CNTNAP5: variants seen among roughly 807,000 people sequenced by gnomAD.
CNTNAP5 encodes contactin-associated protein-like 5.
CNTNAP5 carries 72 observed loss-of-function variants against 150.2 expected under a neutral mutation model. That is an observed-to-expected ratio of 0.48 (90% CI 0.40 to 0.58). CNTNAP5 has a LOEUF of 0.58. Ranked by LOEUF, CNTNAP5 falls within the 20% of genes least tolerant of loss-of-function variation. The probability of loss-of-function intolerance (pLI) is 0.00; values close to 1 mark genes in which losing one functional copy is unlikely to be tolerated. For synonymous variants in CNTNAP5, 672 were observed against 619.8 expected, an observed-to-expected ratio of 1.08 and a Z score of -1.25; for missense variants, 1,636 against 1,626.2, an observed-to-expected ratio of 1.01 and a Z score of -0.10.
At chr2:124,297,298 G>A (rs966576000) in intron 3 of CNTNAP5, among the ~76,000 whole-genome samples, 3 of 152,252 alleles carry the variant, frequency 2.0e-5, no homozygotes, top group East Asian at 1.9e-4. Flanking sequence ...AGTTCTTTCG[G>A]AAGTTTTGAC....
intron 6 of CNTNAP5, among the ~76,000 whole-genome samples, chr2:124,459,691 G>C (rs1196118451): frequency 2.0e-5 from 3 of 151,198 alleles, no homozygotes; most frequent in African/African-American, 7.3e-5. Context: ...CTGGGAGTTG[G>C]AGGTTGTAGT....
At chr2:124,341,558 A>G (rs978462915) in intron 3 of CNTNAP5, among the ~76,000 whole-genome samples, 3 of 152,156 alleles carry the variant, frequency 2.0e-5, no homozygotes. Context: ...CAATTAAACA[A>G]TTGTGTCTTA....
intron 5 of CNTNAP5, among the ~76,000 whole-genome samples, chr2:124,438,042 G>A (rs771914523): frequency 3.9e-5 from 6 of 152,146 alleles, no homozygotes; most frequent in African/African-American, 1.4e-4. Flanking sequence ...GACATACATA[G>A]TGTACTGTTG....
chr2:124,223,234 C>T lies in CNTNAP5; in HGVS notation c.187+1425C>T, dbSNP rs186075081. On this transcript the variant is annotated intron_variant, in intron 2 of 23. Coordinates refer to ENST00000682447, the MANE Select transcript of CNTNAP5 (RefSeq NM_001367498.1). ...TTCGTGTTTATATTCATCCCGTTAACAAATCGCTTCACTAGTACAGATTGA... is the reference window on the plus strand; with the variant it reads ...TTCGTGTTTATATTCATCCCGTTAATAAATCGCTTCACTAGTACAGATTGA... 4.8e-4 allele frequency among the ~76,000 whole-genome samples: 73 copies of T among 152,156 alleles called. No individual in the cohort carries two copies. In the East Asian group the frequency reaches 0.014, roughly 29 times the overall value.
Position 124,647,958 on chromosome 2 carries a change from G to T in CNTNAP5, c.2077G>T (p.Asp693Tyr). ...GAGGTCCCGCCTGCTCAACACGCCG[G>T]GTAAGGCCTCTGCATGCATGACCAC... ...CRRSRLLNTP[D>Y]GTPFTWWIGR... Residue 693 changes from aspartate (D) to tyrosine (Y), a missense_variant and splice_region_variant, in exon 13 of 24, where the codon GAT becomes TAT. Transcript: ENST00000682447. 1 of 1,592,946 alleles carries T rather than the reference G, an allele frequency of 6.3e-7. No homozygotes were observed. Among genetic ancestry groups the T allele is most frequent in the East Asian group, 2.3e-5 (1 of 43,934 alleles).
chr2:124,794,812 C>A (rs1268987864), intron 18 of CNTNAP5, among the ~76,000 whole-genome samples: 1 of 152,086 alleles, frequency 6.6e-6, no homozygotes, highest in Non-Finnish European at 1.5e-5. Flanking sequence ...AAGAAAATCT[C>A]AGATATAATA....
chr2:124,416,386 G>A (rs113164486), intron 3 of CNTNAP5, among the ~76,000 whole-genome samples: 6,223 of 149,028 alleles, frequency 0.042, 166 homozygotes, highest in Non-Finnish European at 0.053. Flanking sequence ...TGAGTAGTTC[G>A]TTGTCATTCT....
At chr2:124,090,786 T>C (rs1165838797) in intron 1 of CNTNAP5, among the ~76,000 whole-genome samples, 1 of 152,214 alleles carries the variant, frequency 6.6e-6, no homozygotes, top group Non-Finnish European at 1.5e-5. Context: ...ACCATTATTA[T>C]CAGCCATAAT....
chr2:124,608,132 A>C (rs548882894), intron 11 of CNTNAP5, among the ~76,000 whole-genome samples: 3 of 152,292 alleles, frequency 2.0e-5, no homozygotes, highest in Admixed American at 2.0e-4. Context: ...CTGGGATGGG[A>C]CATTAGTCAC....
intron 1 of CNTNAP5, among the ~76,000 whole-genome samples, chr2:124,180,381 G>T (rs1350292043): frequency 6.6e-6 from 1 of 152,220 alleles, no homozygotes; most frequent in African/African-American, 2.4e-5. Context: ...ATCATCATCA[G>T]AAATATCAAA....
intron 7 of CNTNAP5, among the ~76,000 whole-genome samples, chr2:124,494,725 C>T (rs541567667): frequency 6.6e-6 from 1 of 152,272 alleles, no homozygotes; most frequent in Admixed American, 6.5e-5. Flanking sequence ...AAGTAGAAAT[C>T]ATTTGAAAAG....
chr2:124,747,410 C>A (rs1468987914), intron 14 of CNTNAP5, 25 bp downstream of exon 14: 4 of 1,612,438 alleles, frequency 2.5e-6, no homozygotes, highest in Non-Finnish European at 3.4e-6. Flanking sequence ...CATCTTTCTG[C>A]AATTGTAGAG....
At chr2:124,682,166 G>T (rs1221330505) in intron 13 of CNTNAP5, among the ~76,000 whole-genome samples, 1 of 152,142 alleles carries the variant, frequency 6.6e-6, no homozygotes, top group Non-Finnish European at 1.5e-5. Context: ...GCACATGAAT[G>T]CAACCTTGAA....
At chr2:124,330,160 G>A (rs1027612326) in intron 3 of CNTNAP5, among the ~76,000 whole-genome samples, 3 of 152,006 alleles carry the variant, frequency 2.0e-5, no homozygotes, top group African/African-American at 7.2e-5. Context: ...CTTTATTCAA[G>A]GTATGAGGCC....
At position 124,835,930 on chromosome 2, in the gene CNTNAP5, C is replaced by T. The variant is rs886459176; in HGVS notation, c.3218-29376C>T. Among the ~76,000 whole-genome samples the T allele has an allele frequency of 2.0e-4, 31 of 152,144 alleles. 1 individual carries two copies. Among genetic ancestry groups the T allele is most frequent in the Admixed American group, 1.9e-3 (29 of 15,268 alleles). The stretch of plus-strand genomic sequence containing the variant: ...CACATACTGTTATCAACAAGAAGGG[C>T]ACCAATACCCTGGCAAACATATTGC... On this transcript the variant is annotated intron_variant, in intron 19 of 23. Transcript: ENST00000682447.
At chr2:124,107,957 CA>C (rs1416103373) in intron 1 of CNTNAP5, among the ~76,000 whole-genome samples, 1 of 152,162 alleles carries the variant, frequency 6.6e-6, no homozygotes, top group Non-Finnish European at 1.5e-5. Flanking sequence ...AGATAAAAGA[CA>C]AAAGGTTGCA....
intron 1 of CNTNAP5, among the ~76,000 whole-genome samples, chr2:124,120,252 A>T (rs937019833): frequency 6.6e-6 from 1 of 152,142 alleles, no homozygotes; most frequent in Non-Finnish European, 1.5e-5. Context: ...TCCTCCCATC[A>T]CCTCCCAGAG....
chr2:124,112,672 A>G (rs892440903), intron 1 of CNTNAP5, among the ~76,000 whole-genome samples: 2 of 152,156 alleles, frequency 1.3e-5, no homozygotes, highest in African/African-American at 4.8e-5. Context: ...GTTGAGAATG[A>G]AAACATCACA....
At chr2:124,124,969 G>C (rs981140395) in intron 1 of CNTNAP5, among the ~76,000 whole-genome samples, 1 of 152,182 alleles carries the variant, frequency 6.6e-6, no homozygotes, top group Non-Finnish European at 1.5e-5. Context: ...ATGCCAAATT[G>C]TAAAGACCAT....
Sources: gnomAD v4.1 joint callset for allele counts (sites outside exome capture counted in the v4.1 genomes callset) on GRCh38, gnomAD v4.1.1 for gene constraint, MANE v1.5 for transcripts, NCBI Gene and HGNC (gene_info 2026-07-23, HGNC 2026-07-21) for gene names.